TEX9: variants seen among roughly 807,000 people sequenced by gnomAD.
TEX9 encodes the protein testis expressed 9, also known as testis-expressed protein 9.
TEX9 carries 74 observed loss-of-function variants against 59.6 expected under a neutral mutation model. The observed-to-expected ratio is 1.24, with a 90% CI of 1.03 to 1.51. TEX9 has a LOEUF of 1.51. Among genes scored for constraint, TEX9 ranks in the 40% most tolerant of loss-of-function variants. The probability of loss-of-function intolerance (pLI) is 0.00; values close to 1 mark genes in which losing one functional copy is unlikely to be tolerated. For missense variants in TEX9, 522 were observed against 447.8 expected (o/e 1.17, Z -1.49); for synonymous variants, 186 against 152.2 (o/e 1.22, Z -1.64).
At chr15:56,334,992 CAG>C (rs1301510063) in intron 1 of TEX9, among the ~76,000 whole-genome samples, 3 of 152,008 alleles carry the variant, frequency 2.0e-5, no homozygotes, top group African/African-American at 7.3e-5. Flanking sequence ...ATCCAAAAGA[CAG>C]ACAATAACAA....
chr15:56,254,207 T>C (rs1464640226), intron 1 of TEX9, among the ~76,000 whole-genome samples: 8 of 151,918 alleles, frequency 5.3e-5, no homozygotes, highest in African/African-American at 1.9e-4. Context: ...TTTCAGGAGA[T>C]GGGATCAGAC....
intron 1 of TEX9, among the ~76,000 whole-genome samples, chr15:56,258,320 G>A (rs2044188073): frequency 6.6e-6 from 1 of 152,036 alleles, no homozygotes; most frequent in African/African-American, 2.4e-5. Context: ...TTCTAGTTCT[G>A]TGAAGAAGTC....
intron 12 of TEX9, chr15:56,429,027 C>G: frequency 1.1e-6 from 1 of 910,190 alleles, no homozygotes; most frequent in Admixed American, 2.9e-5. Context: ...TGCCACTGAA[C>G]TGTAAAACAA....
chr15:56,323,143 A>T (rs2141708509), intron 1 of TEX9: 1 of 216,428 alleles, frequency 4.6e-6, no homozygotes, highest in South Asian at 8.1e-5. Flanking sequence ...GAAGCTGAGA[A>T]TCAAAATGTC....
At chr15:56,440,811 G>A (rs1490186400) in intron 12 of TEX9, among the ~76,000 whole-genome samples, 1 of 152,122 alleles carries the variant, frequency 6.6e-6, no homozygotes, top group African/African-American at 2.4e-5. Context: ...AGCATGATCA[G>A]TCTGTCATTC....
At chr15:56,451,186 A>T in the TEX9 span, among the ~76,000 whole-genome samples, 1 of 152,208 alleles carries the variant, frequency 6.6e-6, no homozygotes, top group Admixed American at 6.5e-5. Flanking sequence ...GGTAAAACAG[A>T]TAAGTGCCTT....
At chr15:56,434,157 T>C (rs944421342) in intron 12 of TEX9, 17 of 1,612,040 alleles carry the variant, frequency 1.1e-5, no homozygotes, top group Non-Finnish European at 1.4e-5. Context: ...AAGGAATTGT[T>C]GGCGACGCTC....
At chr15:56,384,052 A>C in intron 4 of TEX9, 21 bp downstream of exon 4, 2 of 1,577,562 alleles carry the variant, frequency 1.3e-6, no homozygotes, top group Non-Finnish European at 1.7e-6. Context: ...TAAATTCTCA[A>C]GCACCTTCTT....
At chr15:56,352,330 C>T (rs765372555) in intron 1 of TEX9, among the ~76,000 whole-genome samples, 2 of 152,100 alleles carry the variant, frequency 1.3e-5, no homozygotes, top group South Asian at 4.2e-4. Context: ...CTGCAATCCC[C>T]GCCTCCCGGG....
intron 1 of TEX9, among the ~76,000 whole-genome samples, chr15:56,246,362 T>G (rs2043857662): frequency 6.6e-6 from 1 of 152,146 alleles, no homozygotes; most frequent in Non-Finnish European, 1.5e-5. Flanking sequence ...CAGAGTGAGA[T>G]ACCCTTTCAG....
At chr15:56,427,930 TATTTTCAC>T (rs2050392766) in intron 11 of TEX9, among the ~76,000 whole-genome samples, 191 bp downstream of exon 11, 1 of 152,134 alleles carries the variant, frequency 6.6e-6, no homozygotes, top group Non-Finnish European at 1.5e-5. Context: ...AGCAAGTGGA[TATTTTCAC>T]ATAAGTAAGT....
intron 9 of TEX9, among the ~76,000 whole-genome samples, chr15:56,400,915 C>A: frequency 6.6e-6 from 1 of 152,108 alleles, no homozygotes; most frequent in Admixed American, 6.5e-5. Context: ...AAATCCTTTA[C>A]AGACAAGCAA....
intron 1 of TEX9, among the ~76,000 whole-genome samples, chr15:56,300,708 G>GAGAGAGGGAGA (rs2045331855): frequency 9.7e-6 from 1 of 102,668 alleles, no homozygotes; most frequent in African/African-American, 4.0e-5. Context: ...AGAGAGAGAG[G>GAGAGAGGGAGA]GAGAGAGAGA....
intron 1 of TEX9, among the ~76,000 whole-genome samples, chr15:56,290,210 G>T (rs1333506536): frequency 2.0e-5 from 3 of 152,072 alleles, no homozygotes; most frequent in African/African-American, 7.2e-5. Context: ...TTGTGTGTCT[G>T]TTGGGGGGCA....
At chr15:56,284,245 C>T (rs1371892830) in intron 1 of TEX9, among the ~76,000 whole-genome samples, 3 of 152,152 alleles carry the variant, frequency 2.0e-5, no homozygotes, top group Non-Finnish European at 4.4e-5. Context: ...GATCCTCCTG[C>T]TTCAGCCTTC....
intron 2 of TEX9, among the ~76,000 whole-genome samples, chr15:56,369,383 TCACCCTGTTGCC>T (rs1366293223): frequency 6.6e-6 from 1 of 151,138 alleles, no homozygotes; most frequent in Non-Finnish European, 1.5e-5. Context: ...AGACAGGGTC[TCACCCTGTTGCC>T]CAGACTGGAG....
intron 1 of TEX9, among the ~76,000 whole-genome samples, chr15:56,270,830 G>C (rs2044510729): frequency 6.6e-6 from 1 of 152,140 alleles, no homozygotes; most frequent in South Asian, 2.1e-4. Flanking sequence ...GGCAGGCCTG[G>C]TGGTGATAAA....
intron 10 of TEX9, among the ~76,000 whole-genome samples, chr15:56,414,990 G>A (rs2049598566): frequency 6.6e-6 from 1 of 151,370 alleles, no homozygotes; most frequent in Non-Finnish European, 1.5e-5. Flanking sequence ...CTGATGATCA[G>A]TGATATTGAG....
intron 12 of TEX9, among the ~76,000 whole-genome samples, chr15:56,445,466 CAG>C (rs1210231703): frequency 2.0e-5 from 3 of 151,980 alleles, no homozygotes; most frequent in Non-Finnish European, 4.4e-5. Context: ...AAAGAGTAAA[CAG>C]ATTAAAATAT....
Sources: gnomAD v4.1 joint callset for allele counts (sites outside exome capture counted in the v4.1 genomes callset) on GRCh38, gnomAD v4.1.1 for gene constraint, MANE v1.5 for transcripts, NCBI Gene and HGNC (gene_info 2026-07-23, HGNC 2026-07-21) for gene names.